The following CAPZA2 variants were observed in gnomAD, a reference collection of about 807,000 sequenced individuals.
CAPZA2 encodes the protein F-actin-capping protein subunit alpha-2.
CAPZA2 carries 13 observed loss-of-function variants against 44.0 expected under a neutral mutation model. That is an observed-to-expected ratio of 0.30 (90% CI 0.19 to 0.47). The LOEUF is 0.47. Among genes scored for constraint, CAPZA2 ranks in the 20% least tolerant of loss-of-function variants. The pLI, the probability that CAPZA2 is intolerant of heterozygous loss-of-function variation, is 1.00. For synonymous variants in CAPZA2, 94 were observed against 108.2 expected, an observed-to-expected ratio of 0.87 and a Z score of 0.81; for missense variants, 244 against 338.6, an observed-to-expected ratio of 0.72 and a Z score of 2.19.
chr7:116,906,393 T>C (rs1296265415), intron 6 of CAPZA2, 51 bp downstream of exon 6: 1 of 1,589,524 alleles, frequency 6.3e-7, no homozygotes, highest in Admixed American at 1.9e-5. Context: ...TTTAAGTCTT[T>C]GTAGTTCTTG....
intron 3 of CAPZA2, 76 bp downstream of exon 3, chr7:116,893,121 T>G (rs1177999303): frequency 6.3e-6 from 6 of 945,794 alleles, no homozygotes; most frequent in Admixed American, 2.5e-5. Flanking sequence ...TGTGTGGGGG[T>G]TTTTTGTGGG....
chr7:116,881,542 A>T (rs1032049880), intron 1 of CAPZA2, among the ~76,000 whole-genome samples: 3 of 152,026 alleles, frequency 2.0e-5, no homozygotes, highest in African/African-American at 4.8e-5. Context: ...GATCAAGACC[A>T]TCCTGGCTAA....
At chr7:116,903,048 C>T (rs192117154) in intron 4 of CAPZA2, among the ~76,000 whole-genome samples, 6 of 152,050 alleles carry the variant, frequency 3.9e-5, no homozygotes, top group Non-Finnish European at 7.4e-5. Context: ...CTCCTTTCCC[C>T]GAAAAAGGAA....
At chr7:116,880,920 G>C (rs528119688) in intron 1 of CAPZA2, among the ~76,000 whole-genome samples, 1 of 151,096 alleles carries the variant, frequency 6.6e-6, no homozygotes, top group East Asian at 2.0e-4. Context: ...TGTTGGCCAG[G>C]CTGATCTCCA....
At chr7:116,891,828 A>G (rs1796850243) in intron 2 of CAPZA2, among the ~76,000 whole-genome samples, 1 of 152,206 alleles carries the variant, frequency 6.6e-6, no homozygotes, top group African/African-American at 2.4e-5. Context: ...TGTTTTTTAA[A>G]TAAGGACCTG....
intron 1 of CAPZA2, chr7:116,874,279 G>A (rs1182627217): frequency 6.5e-6 from 1 of 153,110 alleles, no homozygotes; most frequent in Non-Finnish European, 1.5e-5. Context: ...CTACTCCACA[G>A]GATTTAGCTA....
rs1791722845 is a variant in CAPZA2, at chr7:116,918,949, G to A, written c.*1082G>A. ...ATGCTACAGGAATTTCAAGCCTGTG[G>A]TGAATGTTAGTATTTACCATAGGGA... is the stretch of plus-strand genomic sequence containing the variant. On this transcript the variant is annotated 3_prime_UTR_variant, in exon 10 of 10. Coordinates refer to ENST00000361183, the MANE Select transcript of CAPZA2 (RefSeq NM_006136.3). The A allele has an allele frequency of 6.6e-6, 1 of 152,078 alleles. No individual in the cohort carries two copies. Among genetic ancestry groups the A allele is most frequent in the Non-Finnish European group, 1.5e-5 (1 of 68,024 alleles). 9.4% of individuals were successfully genotyped at this position (152,078 alleles called of 1,614,324 possible). A position where few individuals can be genotyped will look rare whatever the true frequency, so the allele number is the denominator to read the frequency against.
At chr7:116,885,743 G>T (rs1436967845) in intron 1 of CAPZA2, among the ~76,000 whole-genome samples, 1 of 152,112 alleles carries the variant, frequency 6.6e-6, no homozygotes, top group Non-Finnish European at 1.5e-5. Flanking sequence ...GGTGAGGTAT[G>T]GAGGAGGGGA....
intron 6 of CAPZA2, among the ~76,000 whole-genome samples, chr7:116,909,381 C>T (rs967625074): frequency 6.6e-5 from 10 of 151,950 alleles, no homozygotes; most frequent in Non-Finnish European, 1.3e-4. Flanking sequence ...GAATATCAGA[C>T]GCTAAACTAC....
At chr7:116,864,562 C>T (rs947192879) in intron 1 of CAPZA2, among the ~76,000 whole-genome samples, 57 of 152,110 alleles carry the variant, frequency 3.7e-4, no homozygotes, top group African/African-American at 1.3e-3. Context: ...CTGACAAAAC[C>T]TTTAGGTTAA....
At chr7:116,904,612 A>C (rs1585012732) in intron 5 of CAPZA2, 1 of 442,338 alleles carries the variant, frequency 2.3e-6, no homozygotes. Context: ...AAATCCATGT[A>C]GAAATTCTAA....
At chr7:116,869,736 G>A (rs535564674) in intron 1 of CAPZA2, among the ~76,000 whole-genome samples, 83 of 152,362 alleles carry the variant, frequency 5.4e-4, no homozygotes, top group Non-Finnish European at 7.1e-4. Context: ...TATGTCTAGC[G>A]TGAGTTAGCA....
chr7:116,916,156 C>T, intron 9 of CAPZA2, 34 bp downstream of exon 9: 1 of 1,483,832 alleles, frequency 6.7e-7, no homozygotes, highest in Non-Finnish European at 8.9e-7. Flanking sequence ...AAGCTACACT[C>T]ACATATGAAT....
intron 1 of CAPZA2, chr7:116,885,986 C>G: frequency 6.5e-6 from 1 of 154,846 alleles, no homozygotes; most frequent in South Asian, 2.0e-4. Context: ...ATCTTGCCTC[C>G]TCTTTCAGTG....
intron 1 of CAPZA2, among the ~76,000 whole-genome samples, chr7:116,886,398 C>T (rs147161655): frequency 2.6e-5 from 4 of 152,336 alleles, no homozygotes; most frequent in African/African-American, 9.6e-5. Context: ...GGAACATCTT[C>T]ATTCTAGCCA....
intron 1 of CAPZA2, among the ~76,000 whole-genome samples, chr7:116,868,749 A>C (rs1368806372): frequency 6.6e-6 from 1 of 152,236 alleles, no homozygotes; most frequent in African/African-American, 2.4e-5. Flanking sequence ...GTTTAAAAAA[A>C]AATTCTTATT....
chr7:116,894,146 G>A (rs1030438433), intron 3 of CAPZA2, among the ~76,000 whole-genome samples: 25 of 152,190 alleles, frequency 1.6e-4, no homozygotes, highest in African/African-American at 5.8e-4. Context: ...GGCGGATTAC[G>A]AGGTCAAGAG....
rs1428708960 is a variant in CAPZA2 at position 116,912,188 on chromosome 7, AC to A, written c.657+50del. On this transcript the variant is annotated intron_variant, in intron 8 of 9. Transcript: ENST00000361183. ...AAATTTAACCTAATACTTCTGTAAA[AC>A]CAGAACAGTTTTGGAATGAACATTT... is the stretch of plus-strand genomic sequence containing the variant. The A allele has an allele frequency of 1.9e-6, 3 of 1,601,168 alleles. No homozygotes were observed. In the South Asian group the frequency reaches 3.4e-5, roughly 18 times the overall value.
chr7:116,903,233 A>AGAGTGTGTGTGTGTGTGTGT (rs372696249), intron 4 of CAPZA2, among the ~76,000 whole-genome samples: 4 of 146,340 alleles, frequency 2.7e-5, no homozygotes, highest in African/African-American at 1.0e-4. Flanking sequence ...TGCAGAGAAG[A>AGAGTGTGTGTGTGTGTGTGT]GTGTGTGTGT....
Sources: gnomAD v4.1 joint callset for allele counts (sites outside exome capture counted in the v4.1 genomes callset) on GRCh38, gnomAD v4.1.1 for gene constraint, MANE v1.5 for transcripts, NCBI Gene and HGNC (gene_info 2026-07-23, HGNC 2026-07-21) for gene names.